KDM6B: variants seen among roughly 807,000 people sequenced by gnomAD.
KDM6B encodes lysine demethylase 6B, also known as lysine-specific demethylase 6B.
KDM6B carries 22 observed loss-of-function variants against 150.4 expected under a neutral mutation model. That is an observed-to-expected ratio of 0.15 (90% confidence interval 0.10 to 0.21). The LOEUF is 0.21. KDM6B is among the 10% of genes least tolerant of loss of function. The pLI is 1.00. For synonymous variants in KDM6B, 1,148 were observed against 921.1 expected, an observed-to-expected ratio of 1.25 and a Z score of -4.46; for missense variants, 1,984 against 2,234.3, an observed-to-expected ratio of 0.89 and a Z score of 2.26.
intron 7 of KDM6B, 25 bp from the exon 8 acceptor site, chr17:7,846,375 C>CGG (rs2151375826): frequency 2.6e-6 from 3 of 1,161,274 alleles, no homozygotes; most frequent in African/African-American, 1.5e-5. Flanking sequence ...ACATCTGCCC[C>CGG]TGCCCCGTGT....
Position 7,851,362 on chromosome 17 carries a change from G to A in KDM6B, c.3912G>A (p.Glu1304=). ...AGGAGAGTGAGGATGAGGAGTCAGA[G>A]GAGCCAGACAGCACCACTGGAACCC... ...EEKESEDEES[E]EPDSTTGTPP... is the part of the protein sequence containing the mutation. Residue 1304 remains glutamate (E), a synonymous_variant, in exon 16 of 24, where the codon GAG becomes GAA. Transcript: ENST00000448097. 6.2e-7 allele frequency: 1 copy of A among 1,614,178 alleles called. No individual in the cohort carries two copies.
chr17:7,851,909 TC>T (rs2078703874), intron 18 of KDM6B, 41 bp from the exon 19 acceptor site: 1 of 1,608,074 alleles, frequency 6.2e-7, no homozygotes, highest in Non-Finnish European at 8.5e-7. Context: ...GGATCGCAGT[TC>T]CGACCTGGCC....
rs1300689796 is a variant in KDM6B at position 7,849,646 on chromosome 17, G to A, written c.3358G>A (p.Ala1120Thr). The A allele has an allele frequency of 3.7e-6, 6 of 1,610,942 alleles. No individual in the cohort carries two copies. Among genetic ancestry groups the A allele is most frequent in the Admixed American group, 1.7e-5 (1 of 60,002 alleles). The change falls in exon 12 of 24, where the codon GCC becomes ACC. Residue 1120 changes from alanine to threonine, a missense_variant. Coordinates refer to ENST00000448097, the MANE Select transcript of KDM6B (RefSeq NM_001348716.2). ...GAGTGGTGACAAGGAGACCTTTATC[G>A]CCTCTGAGGTGGAAGAGCGGCGGCT... ...VESGDKETFI[A>T]SEVEERRLRM...
In KDM6B at chr17:7,853,818, C is replaced by T. The variant is rs2078754958; in HGVS notation, c.*297C>T. The T allele has an allele frequency of 8.5e-6, 2 of 234,072 alleles. No homozygotes were observed. Among genetic ancestry groups the T allele is most frequent in the Admixed American group, 5.8e-5 (1 of 17,328 alleles). 14.5% of individuals were successfully genotyped at this position (234,072 alleles called of 1,614,324 possible). ...TTTAGCAACAGACACAAGGACCAGG[C>T]TCCGGCGGCGGCGGGGGTCACATAC... On this transcript the variant is annotated 3_prime_UTR_variant, in exon 24 of 24. Transcript: ENST00000448097.
chr17:7,848,013 C>T lies in KDM6B; in HGVS notation c.1725C>T (p.Pro575=). 6.2e-7 allele frequency: 1 copy of T among 1,612,738 alleles called. No individual in the cohort carries two copies. The highest frequency in any genetic ancestry group is 8.5e-7 in the Non-Finnish European group (1 of 1,179,638). The change falls in exon 12 of 24, where the codon CCC becomes CCT. Residue 575 remains proline, a synonymous_variant. Transcript: ENST00000448097. ...GGCCTGTGTCCTTTCCCCCACCACC[C>T]TATCTGGCCAGAAGTATAGACCCCC... ...PAGPVSFPPP[P]YLARSIDPLP...
rs939246236 is a variant in KDM6B at position 7,847,953 on chromosome 17, C to T, written c.1665C>T (p.Asn555=). ...CAACCCCAACCACCAGCAGTAGCAA[C>T]AGCAACAGTGGCAGCCACAGCAGCA... ...TPPTPTTSSS[N]SNSGSHSSSP... The change falls in exon 12 of 24, where the codon AAC becomes AAT. Residue 555 remains asparagine, a synonymous_variant. Coordinates refer to ENST00000448097, the MANE Select transcript of KDM6B (RefSeq NM_001348716.2). 1.2e-6 allele frequency: 2 copies of T among 1,610,772 alleles called. No individual in the cohort carries two copies. Among genetic ancestry groups the T allele is most frequent in the East Asian group, 4.5e-5 (2 of 44,810 alleles).
chr17:7,844,243 G>T lies in KDM6B; in HGVS notation c.-268-658G>T, dbSNP rs527508835. Reference sequence around the variant, plus strand: ...CACGAGAGAGGGGCCACTCGGGACCGCGGTGCGCGACTTCTCGGAAGTTGG... The same window carrying T: ...CACGAGAGAGGGGCCACTCGGGACCTCGGTGCGCGACTTCTCGGAAGTTGG... On this transcript the variant is annotated intron_variant, in intron 2 of 23. Coordinates refer to ENST00000448097, the MANE Select transcript of KDM6B (RefSeq NM_001348716.2). This position sits in a 1 kb window ranked among gnomAD's most constrained non-coding sequence, Gnocchi z 5.9. 6.6e-6 allele frequency: 1 copy of T among 152,244 alleles called. No individual in the cohort carries two copies. Among genetic ancestry groups the T allele is most frequent in the Non-Finnish European group, 1.5e-5 (1 of 68,086 alleles). The allele number at this position is 152,244 out of a possible 1,614,324, so 9.4% of individuals were successfully genotyped here. A position where few individuals can be genotyped will look rare whatever the true frequency, so the allele number is the denominator to read the frequency against.
intron 14 of KDM6B, 86 bp from the exon 15 acceptor site, chr17:7,850,935 A>G: frequency 8.4e-7 from 1 of 1,196,728 alleles, no homozygotes; most frequent in Non-Finnish European, 1.2e-6. Flanking sequence ...TCAGAGCCAG[A>G]GGAGTAGGAA....
Position 7,854,720 on chromosome 17 carries a change from G to C in KDM6B, c.*1199G>C. The C allele has an allele frequency of 8.5e-6, 2 of 236,088 alleles. No individual in the cohort carries two copies. Among genetic ancestry groups the C allele is most frequent in the South Asian group, 5.5e-5 (1 of 18,248 alleles). 14.6% of individuals were successfully genotyped at this position (236,088 alleles called of 1,614,324 possible). A position where few individuals can be genotyped will look rare whatever the true frequency, so the allele number is the denominator to read the frequency against. On this transcript the variant is annotated 3_prime_UTR_variant, in exon 24 of 24. Coordinates refer to ENST00000448097, the MANE Select transcript of KDM6B (RefSeq NM_001348716.2). Reference sequence around the variant, plus strand: ...GTCTCTCTGCCCCAGGGGCAGAGGGGTCTTCCCAACCCTACCCCTATTTTC... The same window carrying C: ...GTCTCTCTGCCCCAGGGGCAGAGGGCTCTTCCCAACCCTACCCCTATTTTC...
In KDM6B at chr17:7,852,781, G is replaced by A. The variant is rs144116549; in HGVS notation, c.4610+145G>A. The stretch of plus-strand genomic sequence containing the variant: ...TTACTGTGTTGGGGAGGCTAACTAG[G>A]TCCTTGCTGTCATGACCTTTTCTAG... On this transcript the variant is annotated intron_variant, in intron 21 of 23. Coordinates refer to ENST00000448097, the MANE Select transcript of KDM6B (RefSeq NM_001348716.2). 4.2e-5 allele frequency: 55 copies of A among 1,317,006 alleles called. No homozygotes were observed. In the Middle Eastern group the frequency reaches 5.4e-4, roughly 13 times the overall value. The allele number at this position is 1,317,006 out of a possible 1,614,324, so 81.6% of individuals were successfully genotyped here. A position where few individuals can be genotyped will look rare whatever the true frequency, so the allele number is the denominator to read the frequency against.
rs563427591 is a variant in KDM6B, at chr17:7,847,642, G to C, written c.1354G>C (p.Ala452Pro). Residue 452 changes from alanine to proline, a missense_variant, in exon 12 of 24, where the codon GCT (alanine) becomes CCT (proline). Ala to Pro is a conservative substitution (Grantham distance 27). Coordinates refer to ENST00000448097, the MANE Select transcript of KDM6B (RefSeq NM_001348716.2). ...CAGCAGTCGGAAACCGTTCTTGGGG[G>C]CTCCCGCTGCCACTCCCCACCTATC... ...AHSSRKPFLG[A>P]PAATPHLSLP... 7 of 1,609,754 alleles carry C rather than the reference G, an allele frequency of 4.3e-6. No homozygotes were observed. In the African/African-American group the frequency reaches 9.4e-5, roughly 22 times the overall value.
rs763635819 is a variant in KDM6B, at chr17:7,849,239, G to A, written c.2951G>A (p.Arg984Gln). Residue 984 changes from arginine (R) to glutamine (Q), a missense_variant, in exon 12 of 24, where the codon CGG (arginine) becomes CAG (glutamine). This residue lies in a region of KDM6B where 1,379 missense variants were observed against 1,275.6 expected (regional missense o/e 1.08). Transcript: ENST00000448097. ...RRQKEHQKEH[R>Q]RHRRACKDSV... ...CAGAAGGAGCATCAGAAGGAGCATCGGCGGCACAGGCGGGCCTGTAAGGAC... is the reference window on the plus strand; with the variant it reads ...CAGAAGGAGCATCAGAAGGAGCATCAGCGGCACAGGCGGGCCTGTAAGGAC... The A allele has an allele frequency of 5.5e-5, 87 of 1,568,386 alleles. No homozygotes were observed. Among genetic ancestry groups the A allele is most frequent in the Middle Eastern group, 1.7e-4 (1 of 6,032 alleles).
At position 7,847,735 on chromosome 17, in the gene KDM6B, C is replaced by A. The variant is rs779693547; in HGVS notation, c.1447C>A (p.Pro483Thr). The change falls in exon 12 of 24, where the codon CCT becomes ACT. Residue 483 changes from proline (P) to threonine (T), a missense_variant. Physicochemically the swap from Pro to Thr is conservative, Grantham distance 38. Transcript: ENST00000448097. ...CCGCCTCTTACGCCCCCCACCACCCCCTGCCTGGTTGAAGGGTCCGGCCTG... is the reference window on the plus strand; with the variant it reads ...CCGCCTCTTACGCCCCCCACCACCCACTGCCTGGTTGAAGGGTCCGGCCTG... ...CPRLLRPPPP[P>T]AWLKGPACRA... The A allele has an allele frequency of 3.2e-6, 5 of 1,544,792 alleles. No individual in the cohort carries two copies. The African/African-American group carries it at 6.9e-5, about 21-fold the overall frequency.
At position 7,851,208 on chromosome 17, in the gene KDM6B, C is replaced by A; in HGVS notation, c.3861C>A (p.Ser1287=). ...AGTACGCACAGTACCAGGCCTCATCCTTCCAGGAGTCTCTGCAGGTGAGAT... is the reference window on the plus strand; with the variant it reads ...AGTACGCACAGTACCAGGCCTCATCATTCCAGGAGTCTCTGCAGGTGAGAT... The part of the protein sequence containing the change: ...IAKYAQYQAS[S]FQESLQEEKE... The change falls in exon 15 of 24, where the codon TCC becomes TCA. Residue 1287 remains serine, a synonymous_variant. Transcript: ENST00000448097. 6.2e-7 allele frequency: 1 copy of A among 1,614,072 alleles called. No individual in the cohort carries two copies. The highest frequency in any genetic ancestry group is 8.5e-7 in the Non-Finnish European group (1 of 1,180,046).
Position 7,845,387 on chromosome 17 carries a change from C to G in KDM6B, c.-75C>G. ...CTTATCAGAGCGGCTGGAGCCGGAC[C>G]ATCGTCCCAGAGAGCTGGGGCAGGG... On this transcript the variant is annotated 5_prime_UTR_variant, in exon 4 of 24. Transcript: ENST00000448097. 1 of 844,758 alleles carries G rather than the reference C, an allele frequency of 1.2e-6. No homozygotes were observed. Among genetic ancestry groups the G allele is most frequent in the Admixed American group, 1.9e-5 (1 of 52,082 alleles). 52.3% of individuals were successfully genotyped at this position (844,758 alleles called of 1,614,324 possible). A position where few individuals can be genotyped will look rare whatever the true frequency, so the allele number is the denominator to read the frequency against.
chr17:7,838,679 A>G (rs2078370542), intron 1 of KDM6B, among the ~76,000 whole-genome samples: 1 of 138,790 alleles, frequency 7.2e-6, no homozygotes, highest in Non-Finnish European at 1.5e-5. Flanking sequence ...GCTCTCGACT[A>G]GCCCTTTCCT....
In KDM6B at chr17:7,853,146, T is replaced by C. The variant is rs1315829053; in HGVS notation, c.4737+20T>C. ...TGCGATGTGAGTGGGCCGGCTCTGC[T>C]GCTCTCCCTGAGTGTCCACAGTGGC... On this transcript the variant is annotated intron_variant, in intron 22 of 23. Coordinates refer to ENST00000448097, the MANE Select transcript of KDM6B (RefSeq NM_001348716.2). 6.2e-7 allele frequency: 1 copy of C among 1,614,086 alleles called. No homozygotes were observed. The highest frequency in any genetic ancestry group is 1.3e-5 in the African/African-American group (1 of 75,060).
rs1402643821 is a variant in KDM6B, at chr17:7,848,687, C to T, written c.2399C>T (p.Pro800Leu). The part of the protein sequence containing the change: ...PQPPPPPPPS[P>L]ASLLKSLASV... Reference sequence around the variant, plus strand: ...CCACCACCACCCCCACCCCCCAGCCCGGCCAGCCTGCTCAAATCCTTGGCC... The same window carrying T: ...CCACCACCACCCCCACCCCCCAGCCTGGCCAGCCTGCTCAAATCCTTGGCC... The change falls in exon 12 of 24, where the codon CCG becomes CTG. Residue 800 changes from proline to leucine, a missense_variant. Physicochemically the swap from Pro to Leu is moderately conservative, Grantham distance 98. Transcript: ENST00000448097. 7.4e-6 allele frequency: 12 copies of T among 1,612,072 alleles called. No individual in the cohort carries two copies. The highest frequency in any genetic ancestry group is 5.5e-5 in the South Asian group (5 of 91,026).
rs140925165 is a variant in KDM6B, at chr17:7,851,390, C to G, written c.3940C>G (p.Pro1314Ala). ...EEPDSTTGTP[P>A]SSAPDPKNHH... ...GCCAGACAGCACCACTGGAACCCCT[C>G]CTAGGTACTGTGCAGGTGTGCCCCT... is the stretch of plus-strand genomic sequence containing the variant. The change falls in exon 16 of 24, where the codon CCT becomes GCT. Residue 1314 changes from proline to alanine, a missense_variant. Transcript: ENST00000448097. 1 of 1,614,056 alleles carries G rather than the reference C, an allele frequency of 6.2e-7. No individual in the cohort carries two copies. Among genetic ancestry groups the G allele is most frequent in the Admixed American group, 1.7e-5 (1 of 60,000 alleles).
Sources: allele counts gnomAD v4.1 joint callset (sites outside exome capture counted in the v4.1 genomes callset), GRCh38; gene constraint gnomAD v4.1.1; regional missense constraint gnomAD v4.1.1; non-coding constraint Gnocchi (gnomAD v3.1); transcripts MANE v1.5; gene names NCBI Gene and HGNC (gene_info 2026-07-23, HGNC 2026-07-21).